The following ROBO2 variants were observed in gnomAD, a reference collection of about 807,000 sequenced individuals.
ROBO2 encodes roundabout guidance receptor 2, also known as roundabout homolog 2.
In ROBO2, 53 loss-of-function variants were observed where a neutral mutation model predicts 160.8. That is an observed-to-expected ratio of 0.33 (90% CI 0.26 to 0.41). The LOEUF (loss-of-function observed/expected upper bound fraction) is 0.41. ROBO2 is among the 10% of genes least tolerant of loss of function. The pLI is 1.00. For synonymous variants in ROBO2, 664 were observed against 611.7 expected (o/e 1.09, Z -1.26); for missense variants, 1,577 against 1,722.4 (o/e 0.92, Z 1.49).
At chr3:76,759,365 T>G (rs1267149585) in intron 2 of ROBO2, among the ~76,000 whole-genome samples, 1 of 151,912 alleles carries the variant, frequency 6.6e-6, no homozygotes, top group East Asian at 2.0e-4. Context: ...ATCCAAATAT[T>G]TTTTGACAAC....
chr3:76,767,939 A>G (rs1425482832), intron 2 of ROBO2, among the ~76,000 whole-genome samples: 1 of 151,508 alleles, frequency 6.6e-6, no homozygotes, highest in Non-Finnish European at 1.5e-5. Context: ...CATTGAAAAT[A>G]AGCAAAAAGG....
intron 2 of ROBO2, among the ~76,000 whole-genome samples, chr3:76,497,516 A>T (rs956341812): frequency 6.6e-6 from 1 of 152,164 alleles, no homozygotes; most frequent in African/African-American, 2.4e-5. Flanking sequence ...TTTAAAGGGG[A>T]ATTCTCCAAC....
At chr3:75,925,693 TA>T (rs1947266509) in intron 1 of ROBO2, among the ~76,000 whole-genome samples, 1 of 152,230 alleles carries the variant, frequency 6.6e-6, no homozygotes, top group Non-Finnish European at 1.5e-5. Flanking sequence ...TTCTACTCTT[TA>T]TATTAGGTAT....
chr3:75,924,995 A>T (rs999191097), intron 1 of ROBO2, among the ~76,000 whole-genome samples: 2 of 151,534 alleles, frequency 1.3e-5, no homozygotes, highest in Non-Finnish European at 2.9e-5. Flanking sequence ...CCGGGAATTT[A>T]TTTTCTTCAG....
chr3:77,341,833 AT>A (rs1256368875), intron 2 of ROBO2, among the ~76,000 whole-genome samples: 2 of 150,894 alleles, frequency 1.3e-5, no homozygotes, highest in African/African-American at 4.9e-5. Context: ...GCATATTCTA[AT>A]TAAAAAAAAA....
At chr3:76,410,667 GAAGAA>G (rs1239583901) in intron 2 of ROBO2, among the ~76,000 whole-genome samples, 1 of 152,020 alleles carries the variant, frequency 6.6e-6, no homozygotes, top group Non-Finnish European at 1.5e-5. Flanking sequence ...CGATTATGTA[GAAGAA>G]GAGAAATGTT....
intron 14 of ROBO2, among the ~76,000 whole-genome samples, chr3:77,575,149 G>A (rs913270623): frequency 1.3e-5 from 2 of 152,074 alleles, no homozygotes; most frequent in African/African-American, 4.8e-5. Flanking sequence ...GGCACTGCCA[G>A]TCAAACCCAT....
intron 2 of ROBO2, among the ~76,000 whole-genome samples, chr3:76,793,803 T>A (rs1163697270): frequency 6.6e-6 from 1 of 151,820 alleles, no homozygotes; most frequent in African/African-American, 2.4e-5. Flanking sequence ...CCTCTTATTC[T>A]CTCCAATCTG....
At chr3:76,277,495 G>C (rs776022452) in intron 2 of ROBO2, among the ~76,000 whole-genome samples, 3 of 151,940 alleles carry the variant, frequency 2.0e-5, no homozygotes, top group Admixed American at 6.6e-5. Flanking sequence ...TCCAGAGAAG[G>C]CATCTAATTC....
At chr3:77,173,247 A>C (rs1046078465) in intron 2 of ROBO2, among the ~76,000 whole-genome samples, 3 of 152,186 alleles carry the variant, frequency 2.0e-5, no homozygotes, top group African/African-American at 7.2e-5. Context: ...CAGCCTAATG[A>C]TAGACATTTG....
intron 2 of ROBO2, among the ~76,000 whole-genome samples, chr3:77,005,654 A>G (rs1183752599): frequency 6.6e-6 from 1 of 152,222 alleles, no homozygotes; most frequent in Non-Finnish European, 1.5e-5. Flanking sequence ...AGAAGGTTGT[A>G]AGGAAACAAG....
At chr3:77,081,171 T>C (rs955099646) in intron 1 of ROBO2, among the ~76,000 whole-genome samples, 4 of 152,188 alleles carry the variant, frequency 2.6e-5, no homozygotes, top group African/African-American at 9.7e-5. Context: ...CTGATTGTTA[T>C]AGAAAAAAAG....
At chr3:76,268,278 AG>A (rs1707218531) in intron 2 of ROBO2, among the ~76,000 whole-genome samples, 2 of 141,158 alleles carry the variant, frequency 1.4e-5, no homozygotes, top group Non-Finnish European at 3.1e-5. Flanking sequence ...AGGGGAGGGG[AG>A]GGGAGGGGAG....
At chr3:77,288,107 A>T (rs1341942049) in intron 2 of ROBO2, among the ~76,000 whole-genome samples, 1 of 152,174 alleles carries the variant, frequency 6.6e-6, no homozygotes, top group Non-Finnish European at 1.5e-5. Flanking sequence ...GTGTGTAATG[A>T]TGAATTTTGT....
At position 76,814,604 on chromosome 3, in the gene ROBO2, CATTG is replaced by C. The variant is rs1322223899; in HGVS notation, c.110-283407_110-283404del. Reference sequence around the variant, plus strand: ...ACATAAAAGGATCGGTTTTTTTTGTCATTGATCAATGAAATATTTATCCTGCAAA... The same window carrying C: ...ACATAAAAGGATCGGTTTTTTTTGTCATCAATGAAATATTTATCCTGCAAA... On this transcript the variant is annotated intron_variant, in intron 2 of 26. Transcript: ENST00000487694. Among the ~76,000 whole-genome samples, 4 of 150,992 alleles carry C rather than the reference CATTG, an allele frequency of 2.6e-5. No homozygotes were observed. In the East Asian group the frequency reaches 7.9e-4, roughly 30 times the overall value.
intron 2 of ROBO2, among the ~76,000 whole-genome samples, chr3:75,969,792 C>G (rs1379243704): frequency 6.6e-6 from 1 of 151,442 alleles, no homozygotes; most frequent in East Asian, 2.0e-4. Flanking sequence ...CATATCAACC[C>G]CTATCTGACA....
intron 2 of ROBO2, among the ~76,000 whole-genome samples, chr3:76,478,938 C>CAGGT (rs749203878): frequency 2.6e-5 from 4 of 152,022 alleles, no homozygotes; most frequent in Non-Finnish European, 4.4e-5. Flanking sequence ...CCTGGGTTTA[C>CAGGT]AGGTGTGAAC....
chr3:76,617,272 C>G (rs1488306060), intron 2 of ROBO2, among the ~76,000 whole-genome samples: 1 of 77,094 alleles, frequency 1.3e-5, no homozygotes, highest in African/African-American at 4.1e-5. Flanking sequence ...AGTAAGTTAA[C>G]CCTTTATTGT....
intron 2 of ROBO2, among the ~76,000 whole-genome samples, chr3:77,295,284 C>G (rs891702188): frequency 2.0e-5 from 3 of 148,278 alleles, no homozygotes; most frequent in Middle Eastern, 3.6e-3. Context: ...GAGGCTAGAT[C>G]ACCAAAGACA....
Sources: gnomAD v4.1 joint callset for allele counts (sites outside exome capture counted in the v4.1 genomes callset) on GRCh38, gnomAD v4.1.1 for gene constraint, MANE v1.5 for transcripts, NCBI Gene and HGNC (gene_info 2026-07-23, HGNC 2026-07-21) for gene names.